Variants in FA2H observed in about 807,000 individuals in gnomAD.
The protein encoded by FA2H is fatty acid alpha-hydroxylase.
A neutral mutation model predicts 44.9 loss-of-function variants in FA2H; 22 were observed. The observed-to-expected ratio is 0.49, with a 90% CI of 0.35 to 0.70. The LOEUF is 0.70. Among genes scored for constraint, FA2H ranks in the 30% least tolerant of loss-of-function variants. The pLI, the probability that FA2H is intolerant of heterozygous loss-of-function variation, is 0.01. For missense variants in FA2H, 501 were observed against 504.9 expected, an observed-to-expected ratio of 0.99 and a Z score of 0.07; for synonymous variants, 243 against 213.2, an observed-to-expected ratio of 1.14 and a Z score of -1.22.
chr16:74,720,707 G>A (rs1961817087), intron 4 of FA2H, among the ~76,000 whole-genome samples: 1 of 152,026 alleles, frequency 6.6e-6, no homozygotes, highest in South Asian at 2.1e-4. Context: ...TCCCCGCCAA[G>A]CCCCTGTACC....
chr16:74,750,916 G>A (rs973773528), intron 1 of FA2H, among the ~76,000 whole-genome samples: 11 of 151,946 alleles, frequency 7.2e-5, no homozygotes, highest in Non-Finnish European at 1.6e-4. Flanking sequence ...TGAGTAGTTA[G>A]GACTATAGGC....
chr16:74,719,496 G>A (rs977281713), intron 4 of FA2H, among the ~76,000 whole-genome samples: 26 of 152,066 alleles, frequency 1.7e-4, no homozygotes, highest in Non-Finnish European at 2.8e-4. Flanking sequence ...AAGAGAAGGC[G>A]ACACTCCTGA....
rs56341013 is a variant in FA2H at position 74,720,180 on chromosome 16, C to CTTTTTTTTTT, written c.614-1030_614-1021dup. 2.4e-3 allele frequency among the ~76,000 whole-genome samples: 115 copies of CTTTTTTTTTT among 47,250 alleles called. 15 individuals carry two copies. Among genetic ancestry groups the CTTTTTTTTTT allele is most frequent in the Middle Eastern group, 0.026 (1 of 38 alleles). The allele number at this position is 47,250 out of a possible 152,430, so 31.0% of individuals were successfully genotyped here. On this transcript the variant is annotated intron_variant, in intron 4 of 6. Coordinates refer to ENST00000219368, the MANE Select transcript of FA2H (RefSeq NM_024306.5). Reference sequence around the variant, plus strand: ...TTTGCTCCATATATTCATCCTCATCCTTTTTTTTTTTTTTTTTTTTTTTTT... The same window carrying CTTTTTTTTTT: ...TTTGCTCCATATATTCATCCTCATCCTTTTTTTTTTTTTTTTTTTTTTTTTTTTTTTTTTT...
intron 1 of FA2H, among the ~76,000 whole-genome samples, chr16:74,773,809 C>A (rs970469163): frequency 6.6e-6 from 1 of 152,238 alleles, no homozygotes; most frequent in Non-Finnish European, 1.5e-5. Flanking sequence ...AGCACACAGT[C>A]TGGTCCAAAG....
chr16:74,725,638 A>C (rs924077240), intron 4 of FA2H, among the ~76,000 whole-genome samples: 12 of 152,110 alleles, frequency 7.9e-5, no homozygotes, highest in Non-Finnish European at 7.4e-5. Context: ...GACCCTTCTT[A>C]TGGGGCTGCT....
chr16:74,727,882 G>A (rs1259751902), intron 2 of FA2H, among the ~76,000 whole-genome samples: 1 of 152,138 alleles, frequency 6.6e-6, no homozygotes, highest in Non-Finnish European at 1.5e-5. Context: ...CAGGCTTCTT[G>A]GTGTTGGCCT....
At chr16:74,737,476 C>G (rs1962204989) in intron 2 of FA2H, among the ~76,000 whole-genome samples, 1 of 152,270 alleles carries the variant, frequency 6.6e-6, no homozygotes, top group African/African-American at 2.4e-5. Context: ...AGCGGGGCAC[C>G]AGGGTTTGCT....
intron 1 of FA2H, among the ~76,000 whole-genome samples, chr16:74,771,727 C>A (rs1465377583): frequency 6.6e-6 from 1 of 152,094 alleles, no homozygotes; most frequent in Non-Finnish European, 1.5e-5. Flanking sequence ...TGGGCCCTCA[C>A]CACACAATGC....
intron 1 of FA2H, among the ~76,000 whole-genome samples, chr16:74,760,174 G>A (rs117650217): frequency 1.8e-4 from 28 of 152,216 alleles, no homozygotes; most frequent in Non-Finnish European, 2.9e-4. Context: ...CACCCACTAC[G>A]CTGCCGCTGC....
At position 74,757,041 on chromosome 16, in the gene FA2H, A is replaced by G. The variant is rs556467910; in HGVS notation, c.271-16926T>C. Among the ~76,000 whole-genome samples, 5 of 149,446 alleles carry G rather than the reference A, an allele frequency of 3.3e-5. No homozygotes were observed. The South Asian group carries it at 8.5e-4, about 25-fold the overall frequency. ...AAGGAAATTTAAAGGTTTTGCGTTG[A>G]AAAAAAAAACATTAAGCAAGGCAAA... On this transcript the variant is annotated intron_variant, in intron 1 of 6. Coordinates refer to ENST00000219368, the MANE Select transcript of FA2H (RefSeq NM_024306.5).
chr16:74,721,437 G>A (rs1186029979), intron 4 of FA2H, among the ~76,000 whole-genome samples: 2 of 152,146 alleles, frequency 1.3e-5, no homozygotes, highest in African/African-American at 4.8e-5. Flanking sequence ...CAAAGGGCTG[G>A]GATTACAGGA....
chr16:74,724,391 G>A (rs1961904890), intron 4 of FA2H, among the ~76,000 whole-genome samples: 1 of 152,126 alleles, frequency 6.6e-6, no homozygotes. Context: ...ATGCAGCGCC[G>A]CCCCCTTTCC....
intron 1 of FA2H, among the ~76,000 whole-genome samples, chr16:74,741,868 GTA>G (rs773121699): frequency 2.0e-4 from 29 of 145,914 alleles, no homozygotes; most frequent in East Asian, 7.9e-4. Flanking sequence ...GTGTGTGTGT[GTA>G]TGTGTGTGTG....
intron 2 of FA2H, among the ~76,000 whole-genome samples, chr16:74,733,249 G>T (rs1378701817): frequency 6.6e-6 from 1 of 152,206 alleles, no homozygotes. Flanking sequence ...AGTCATCAAA[G>T]GCCAACACCT....
In FA2H at chr16:74,736,847, C is replaced by A. The variant is rs375486954; in HGVS notation, c.363+3176G>T. Among the ~76,000 whole-genome samples the A allele has an allele frequency of 9.9e-5, 15 of 152,234 alleles. No individual in the cohort carries two copies. In the South Asian group the frequency reaches 3.1e-3, roughly 32 times the overall value. On this transcript the variant is annotated intron_variant, in intron 2 of 6. Coordinates refer to ENST00000219368, the MANE Select transcript of FA2H (RefSeq NM_024306.5). ...TGTTGGGGTGGGAAGGTTCCAGGAC[C>A]TTGTGGAGGGGAGGGGCCGCTATCT...
At chr16:74,754,790 A>C (rs1410291580) in intron 1 of FA2H, among the ~76,000 whole-genome samples, 1 of 152,098 alleles carries the variant, frequency 6.6e-6, no homozygotes, top group Non-Finnish European at 1.5e-5. Flanking sequence ...GGCCTCCCAA[A>C]GTGCTGGGAT....
At chr16:74,769,942 T>C (rs368091193) in intron 1 of FA2H, among the ~76,000 whole-genome samples, 3 of 152,344 alleles carry the variant, frequency 2.0e-5, no homozygotes, top group East Asian at 3.9e-4. Context: ...ACTTGTTTTG[T>C]GAATGTGCCT....
chr16:74,719,200 T>C, intron 4 of FA2H, 40 bp from the exon 5 acceptor site: 2 of 1,586,132 alleles, frequency 1.3e-6, no homozygotes, highest in Non-Finnish European at 1.7e-6. Context: ...GACCGGTGCA[T>C]AGCAGCCTGG....
chr16:74,721,430 A>C (rs1046836119), intron 4 of FA2H, among the ~76,000 whole-genome samples: 1 of 152,152 alleles, frequency 6.6e-6, no homozygotes, highest in Non-Finnish European at 1.5e-5. Context: ...GGCCTCCCAA[A>C]GGGCTGGGAT....
Sources: gnomAD v4.1 joint callset for allele counts (sites outside exome capture counted in the v4.1 genomes callset) on GRCh38, gnomAD v4.1.1 for gene constraint, MANE v1.5 for transcripts, NCBI Gene and HGNC (gene_info 2026-07-23, HGNC 2026-07-21) for gene names.